WWC1: variants seen among roughly 807,000 people sequenced by gnomAD.
WWC1 encodes protein KIBRA.
Under a neutral mutation model 138.4 loss-of-function variants are expected in WWC1, and 55 were observed. That is an observed-to-expected ratio of 0.40 (90% CI 0.32 to 0.50). The LOEUF is 0.50. Among genes scored for constraint, WWC1 ranks in the 20% least tolerant of loss-of-function variants. WWC1 has a pLI of 0.72. For missense variants in WWC1, 1,226 were observed against 1,420.4 expected (o/e 0.86, Z 2.20); for synonymous variants, 524 against 564.9 (o/e 0.93, Z 1.03).
rs564419231 is a variant in WWC1 at position 168,419,610 on chromosome 5, G to T, written c.1185-2398G>T. On this transcript the variant is annotated intron_variant, in intron 9 of 22. Transcript: ENST00000265293. The stretch of plus-strand genomic sequence containing the variant: ...AGGTCAAAGTAGGGCCCAGGAATGT[G>T]CATTTCAATAAGCACTCTCCGCTTT... Among the ~76,000 whole-genome samples the T allele has an allele frequency of 3.9e-5, 6 of 152,324 alleles. 1 individual carries two copies. The South Asian group carries it at 1.2e-3, about 32-fold the overall frequency.
chr5:168,334,430 C>T (rs1250731545), intron 1 of WWC1, among the ~76,000 whole-genome samples: 4 of 152,076 alleles, frequency 2.6e-5, no homozygotes, highest in East Asian at 1.9e-4. Flanking sequence ...CCTCTCTAAC[C>T]GGAGTTATCT....
At chr5:168,449,274 A>C (rs960919370) in intron 17 of WWC1, among the ~76,000 whole-genome samples, 1 of 152,100 alleles carries the variant, frequency 6.6e-6, no homozygotes, top group Non-Finnish European at 1.5e-5. Flanking sequence ...GAATATTGAG[A>C]TCAGATTCAC....
In WWC1 at chr5:168,464,867, C is replaced by T; in HGVS notation, c.3055C>T (p.Leu1019=). 6.2e-7 allele frequency: 1 copy of T among 1,614,214 alleles called. No individual in the cohort carries two copies. Among genetic ancestry groups the T allele is most frequent in the Non-Finnish European group, 8.5e-7 (1 of 1,180,040 alleles). ...GGTGCTGAAGGAGCTCAAGGAGCAG[C>T]TGGAACAAGCCAAGAGCCACGGGGA... The part of the protein sequence containing the change: ...ISVLKELKEQ[L]EQAKSHGEKE... The change falls in exon 21 of 23, where the codon CTG becomes TTG. Residue 1019 remains leucine (L), a synonymous_variant. Transcript: ENST00000265293.
intron 15 of WWC1, among the ~76,000 whole-genome samples, chr5:168,432,885 T>C (rs769188862): frequency 6.6e-6 from 1 of 152,230 alleles, no homozygotes; most frequent in East Asian, 1.9e-4. Flanking sequence ...GAAGCTGGAA[T>C]GTAGAGCCTC....
At chr5:168,421,644 T>C (rs1328670933) in intron 9 of WWC1, among the ~76,000 whole-genome samples, 2 of 152,110 alleles carry the variant, frequency 1.3e-5, no homozygotes, top group African/African-American at 4.8e-5. Context: ...GAGGGTATGG[T>C]TGGGTGAAAT....
At chr5:168,334,723 A>G (rs540634408) in intron 1 of WWC1, among the ~76,000 whole-genome samples, 2 of 152,342 alleles carry the variant, frequency 1.3e-5, no homozygotes, top group South Asian at 2.1e-4. Flanking sequence ...AGTTCTGAAC[A>G]TATATTTTGG....
intron 15 of WWC1, among the ~76,000 whole-genome samples, chr5:168,435,763 CCTTT>C (rs1308446647): frequency 1.3e-5 from 2 of 152,128 alleles, no homozygotes; most frequent in African/African-American, 4.8e-5. Context: ...TGTTTCTTTC[CCTTT>C]CTTTATAGAA....
At chr5:168,467,805 C>T (rs971447580) in intron 21 of WWC1, 35 bp from the exon 22 acceptor site, 2 of 1,613,598 alleles carry the variant, frequency 1.2e-6, no homozygotes, top group African/African-American at 2.7e-5. Flanking sequence ...TGGAGGCCCC[C>T]TCCACTGACT....
chr5:168,458,323 C>T (rs1235568524), intron 19 of WWC1, among the ~76,000 whole-genome samples: 4 of 152,194 alleles, frequency 2.6e-5, no homozygotes, highest in Non-Finnish European at 5.9e-5. Flanking sequence ...GAGTCCAACT[C>T]CAAAGCCTGC....
chr5:168,437,586 G>A (rs961521062), intron 15 of WWC1, among the ~76,000 whole-genome samples: 3 of 152,114 alleles, frequency 2.0e-5, no homozygotes, highest in African/African-American at 7.2e-5. Context: ...TCTATCTCCA[G>A]CACCCAGAAC....
intron 17 of WWC1, among the ~76,000 whole-genome samples, chr5:168,452,080 A>T (rs1755883206): frequency 1.3e-5 from 2 of 151,826 alleles, no homozygotes; most frequent in African/African-American, 4.8e-5. Context: ...TAATTTTTGT[A>T]TTTTTAGTAG....
chr5:168,409,974 G>A lies in WWC1; in HGVS notation c.920G>A (p.Arg307Gln), dbSNP rs775888825. Residue 307 changes from arginine to glutamine, a missense_variant, in exon 8 of 23, where the codon CGA becomes CAA. Transcript: ENST00000265293. ...QLAEKVRLRL[R>Q]YEEAKRRIAN... ...GCAGAGAAGGTCAGATTGCGCCTTC[G>A]ATATGAAGAGGCTAAGAGAAGGTAA... 6.8e-6 allele frequency: 11 copies of A among 1,613,948 alleles called. No homozygotes were observed. The highest frequency in any genetic ancestry group is 5.5e-5 in the South Asian group (5 of 91,066).
chr5:168,382,536 C>CT (rs1777722453), intron 2 of WWC1, among the ~76,000 whole-genome samples: 1 of 152,152 alleles, frequency 6.6e-6, no homozygotes, highest in Non-Finnish European at 1.5e-5. Context: ...GGCTGAGCTG[C>CT]TTTTTTCTGT....
intron 1 of WWC1, among the ~76,000 whole-genome samples, chr5:168,336,787 A>G (rs1773507532): frequency 6.6e-6 from 1 of 152,154 alleles, no homozygotes; most frequent in Non-Finnish European, 1.5e-5. Context: ...AATACAGGAC[A>G]GTTAGAGTTA....
chr5:168,360,471 A>G (rs1346428435), intron 1 of WWC1, among the ~76,000 whole-genome samples: 1 of 152,236 alleles, frequency 6.6e-6, no homozygotes, highest in Non-Finnish European at 1.5e-5. Flanking sequence ...TCTATTTTAC[A>G]TGGAGCATAT....
At chr5:168,444,147 G>A (rs1206526366) in intron 16 of WWC1, among the ~76,000 whole-genome samples, 1 of 152,140 alleles carries the variant, frequency 6.6e-6, no homozygotes, top group Non-Finnish European at 1.5e-5. Flanking sequence ...TATCCTTACT[G>A]TGTTATGTTA....
At chr5:168,321,008 A>G (rs1006776015) in intron 1 of WWC1, among the ~76,000 whole-genome samples, 2 of 152,096 alleles carry the variant, frequency 1.3e-5, no homozygotes, top group African/African-American at 4.8e-5. Flanking sequence ...ATTGCCTTAA[A>G]TTACGGCAGT....
rs1156297300 is a variant in WWC1 at position 168,414,590 on chromosome 5, G to C, written c.1184G>C (p.Arg395Thr). The stretch of plus-strand genomic sequence containing the variant: ...ACCCAGAGCAAGGCGCTGACGGAGA[G>C]GTGGGGCTGGGGCCCCAGGGTGTGT... Reference protein sequence around the residue: ...RDTQSKALTERLKLNSKRNQL... With the variant: ...RDTQSKALTETLKLNSKRNQL... The change falls in exon 9 of 23, where the codon AGG becomes ACG. Residue 395 changes from arginine to threonine, a missense_variant and splice_region_variant. By Grantham distance (71) the Arg-to-Thr change is moderately conservative (BLOSUM62 -1). Around this residue, in one of 3 missense-constraint regions of WWC1, gnomAD observed 1,016 missense variants for 1,153.9 expected, o/e 0.88. Coordinates refer to ENST00000265293, the MANE Select transcript of WWC1 (RefSeq NM_015238.3). 2 of 1,550,328 alleles carry C rather than the reference G, an allele frequency of 1.3e-6. No homozygotes were observed. The highest frequency in any genetic ancestry group is 1.7e-6 in the Non-Finnish European group (2 of 1,147,412).
chr5:168,354,057 C>A (rs1003839572), intron 1 of WWC1, among the ~76,000 whole-genome samples: 4 of 146,274 alleles, frequency 2.7e-5, no homozygotes, highest in Non-Finnish European at 4.5e-5. Flanking sequence ...TTTTTTCTTT[C>A]TTTTTTTTTT....
Sources: allele counts gnomAD v4.1 joint callset (sites outside exome capture counted in the v4.1 genomes callset), GRCh38; gene constraint gnomAD v4.1.1; regional missense constraint gnomAD v4.1.1; transcripts MANE v1.5; gene names NCBI Gene and HGNC (gene_info 2026-07-23, HGNC 2026-07-21).